KAZN: variants seen among roughly 807,000 people sequenced by gnomAD.
The protein encoded by KAZN is kazrin, periplakin interacting protein.
Under a neutral mutation model 87.4 loss-of-function variants are expected in KAZN, and 40 were observed. That is an observed-to-expected ratio of 0.46 (90% CI 0.36 to 0.60). The LOEUF (loss-of-function observed/expected upper bound fraction) is 0.60, where lower values mean the gene tolerates loss of function less well. KAZN is among the 20% of genes least tolerant of loss of function. The pLI is 0.00. For missense variants in KAZN, 898 were observed against 1,073.9 expected (o/e 0.84, Z 2.29); for synonymous variants, 466 against 458.3 (o/e 1.02, Z -0.22).
At position 14,977,883 on chromosome 1, in the gene KAZN, C is replaced by CTTTTT. The variant is rs34375176; in HGVS notation, c.418+17031_418+17035dup. Reference sequence around the variant, plus strand: ...CTTGCACCTGCTGTGGGGTGCACGTCTTTTTTTTTTTTTTTTTTTTTTTTT... The same window carrying CTTTTT: ...CTTGCACCTGCTGTGGGGTGCACGTCTTTTTTTTTTTTTTTTTTTTTTTTTTTTTT... On this transcript the variant is annotated intron_variant, in intron 2 of 14. Transcript: ENST00000376030. 2.3e-4 allele frequency among the ~76,000 whole-genome samples: 21 copies of CTTTTT among 91,144 alleles called. 2 individuals are homozygous for CTTTTT. Among genetic ancestry groups the CTTTTT allele is most frequent in the Admixed American group, 4.7e-4 (4 of 8,472 alleles). The allele number at this position is 91,144 out of a possible 152,430, so 59.8% of individuals were successfully genotyped here.
At chr1:14,801,058 A>C (rs970140702) in intron 1 of KAZN, among the ~76,000 whole-genome samples, 2 of 152,116 alleles carry the variant, frequency 1.3e-5, no homozygotes, top group African/African-American at 4.8e-5. Flanking sequence ...CAAAAAAAAA[A>C]AAAAGAAATA....
chr1:14,638,716 G>T (rs75523386), intron 1 of KAZN, among the ~76,000 whole-genome samples: 7,339 of 152,112 alleles, frequency 0.048, 611 homozygotes, highest in African/African-American at 0.17. Context: ...TGAGTGTGCC[G>T]CTAGAACGGG....
At chr1:14,697,982 G>A (rs1237240778) in intron 1 of KAZN, among the ~76,000 whole-genome samples, 1 of 152,154 alleles carries the variant, frequency 6.6e-6, no homozygotes, top group Non-Finnish European at 1.5e-5. Flanking sequence ...AGGTAGAGTA[G>A]CCGGAAAAAC....
intron 1 of KAZN, among the ~76,000 whole-genome samples, chr1:13,914,866 CTGAG>C (rs1639785165): frequency 6.6e-6 from 1 of 152,172 alleles, no homozygotes; most frequent in Non-Finnish European, 1.5e-5. Context: ...TGCCCACAGT[CTGAG>C]TGAGCTTGGA....
chr1:13,962,619 G>A (rs1346293127), intron 1 of KAZN, among the ~76,000 whole-genome samples: 6 of 152,118 alleles, frequency 3.9e-5, no homozygotes, highest in South Asian at 2.1e-4. Flanking sequence ...GTGCAGTGGC[G>A]TGATCTTGGC....
intron 2 of KAZN, among the ~76,000 whole-genome samples, chr1:14,981,841 G>T (rs1666279570): frequency 6.6e-6 from 1 of 152,184 alleles, no homozygotes; most frequent in South Asian, 2.1e-4. Flanking sequence ...AGAGAAAGGG[G>T]ATGCAGTGCC....
intron 1 of KAZN, among the ~76,000 whole-genome samples, chr1:14,837,471 T>C (rs748957289): frequency 6.6e-5 from 10 of 152,300 alleles, no homozygotes; most frequent in South Asian, 2.1e-4. Context: ...AGTGCTGGGA[T>C]TTTAGGCGTG....
At chr1:14,074,914 C>T (rs1026984177) in intron 1 of KAZN, among the ~76,000 whole-genome samples, 6 of 152,150 alleles carry the variant, frequency 3.9e-5, no homozygotes. Context: ...TGCTTTTCCA[C>T]CCTCTAAGTG....
rs1235652340 is a variant in KAZN, at chr1:15,094,844, G to A, written c.1458G>A (p.Leu486=). The A allele has an allele frequency of 6.4e-7, 1 of 1,550,480 alleles. No homozygotes were observed. The highest frequency in any genetic ancestry group is 8.7e-7 in the Non-Finnish European group (1 of 1,146,586). Residue 486 remains leucine, a synonymous_variant, in exon 10 of 15, where the codon CTG becomes CTA. Transcript: ENST00000376030. This position sits in a 1 kb window ranked among gnomAD's most constrained non-coding sequence, Gnocchi z 4.5. ...KVLLSLSDED[L]QLGLGVCSSL... Reference sequence around the variant, plus strand: ...TGCTGAGCCTGAGTGACGAGGACCTGCAGCTGGGCCTTGGGGTGTGCAGCT... The same window carrying A: ...TGCTGAGCCTGAGTGACGAGGACCTACAGCTGGGCCTTGGGGTGTGCAGCT...
chr1:13,952,779 G>A (rs1215629211), intron 1 of KAZN, among the ~76,000 whole-genome samples: 10 of 152,258 alleles, frequency 6.6e-5, no homozygotes, highest in East Asian at 3.9e-4. Flanking sequence ...CTGGCCAGCC[G>A]GAGCTCAAAT....
intron 1 of KAZN, among the ~76,000 whole-genome samples, chr1:13,989,648 A>T (rs534716424): frequency 6.6e-6 from 1 of 152,312 alleles, no homozygotes; most frequent in African/African-American, 2.4e-5. Context: ...GGGATAAATC[A>T]GTGAATGGGA....
intron 1 of KAZN, among the ~76,000 whole-genome samples, chr1:14,096,842 G>C (rs1474686164): frequency 6.6e-6 from 1 of 152,238 alleles, no homozygotes; most frequent in Non-Finnish European, 1.5e-5. Context: ...GGGAGCATCT[G>C]TATTTTAATG....
chr1:15,031,412 G>A (rs16851166), intron 2 of KAZN, among the ~76,000 whole-genome samples: 3,399 of 152,328 alleles, frequency 0.022, 124 homozygotes, highest in African/African-American at 0.078. Context: ...CGGAGTGCTA[G>A]GGGTCTGGGC....
intron 2 of KAZN, among the ~76,000 whole-genome samples, chr1:14,544,833 G>A (rs1158876048): frequency 6.6e-6 from 1 of 151,568 alleles, no homozygotes; most frequent in Non-Finnish European, 1.5e-5. Flanking sequence ...GCCTCCCAAA[G>A]TGCTGGGATT....
Position 15,007,348 on chromosome 1 carries a change from C to T in KAZN, c.419-27401C>T, listed in dbSNP as rs141202228. ...GCAGAGGCAGGATTGGAACCCAGAA[C>T]GGGCACTCCAAATCTGGCGAGGGTT... On this transcript the variant is annotated intron_variant, in intron 2 of 14. Transcript: ENST00000376030. 2.8e-3 allele frequency among the ~76,000 whole-genome samples: 434 copies of T among 152,318 alleles called. 1 individual carries two copies. Among genetic ancestry groups the T allele is most frequent in the Non-Finnish European group, 4.8e-3 (325 of 68,026 alleles).
chr1:15,086,429 C>T (rs1159290324), intron 8 of KAZN, among the ~76,000 whole-genome samples: 2 of 152,194 alleles, frequency 1.3e-5, no homozygotes, highest in Non-Finnish European at 2.9e-5. Flanking sequence ...CCCAGCAAAA[C>T]CCTTTGAAGC....
At chr1:14,893,097 G>A (rs750340093) in intron 1 of KAZN, among the ~76,000 whole-genome samples, 17 of 152,350 alleles carry the variant, frequency 1.1e-4, no homozygotes, top group Admixed American at 1.3e-4. Flanking sequence ...GGCCAGTGTG[G>A]TGGCTCATGC....
chr1:14,213,421 T>C (rs1404038618), intron 2 of KAZN, among the ~76,000 whole-genome samples: 2 of 152,168 alleles, frequency 1.3e-5, no homozygotes, highest in African/African-American at 4.8e-5. Flanking sequence ...GGCCTGTTTG[T>C]AGCACAGGCC....
At chr1:14,381,296 C>T (rs77186328) in intron 2 of KAZN, among the ~76,000 whole-genome samples, 6,987 of 152,102 alleles carry the variant, frequency 0.046, 278 homozygotes, top group East Asian at 0.18. Context: ...ATGCAACCTA[C>T]AAGGACTGAA....
Sources: allele counts gnomAD v4.1 joint callset (sites outside exome capture counted in the v4.1 genomes callset), GRCh38; gene constraint gnomAD v4.1.1; non-coding constraint Gnocchi (gnomAD v3.1); transcripts MANE v1.5; gene names NCBI Gene and HGNC (gene_info 2026-07-23, HGNC 2026-07-21).